ARHGAP10: variants seen among roughly 807,000 people sequenced by gnomAD.
The protein encoded by ARHGAP10 is rho GTPase-activating protein 10.
A neutral mutation model predicts 108.6 loss-of-function variants in ARHGAP10; 87 were observed. The ratio of observed to expected loss-of-function variants is 0.80; its 90% CI spans 0.67 to 0.96. The LOEUF (loss-of-function observed/expected upper bound fraction) is 0.96, where lower values mean the gene tolerates loss of function less well. Among genes scored for constraint, ARHGAP10 ranks in the 40% least tolerant of loss-of-function variants. The pLI, the probability that ARHGAP10 is intolerant of heterozygous loss-of-function variation, is 0.00. For synonymous variants in ARHGAP10, 347 were observed against 341.1 expected, an observed-to-expected ratio of 1.02 and a Z score of -0.19; for missense variants, 939 against 954.5, an observed-to-expected ratio of 0.98 and a Z score of 0.21.
At position 147,822,972 on chromosome 4, in the gene ARHGAP10, G is replaced by T. The variant is rs761372957; in HGVS notation, c.312+15G>T. On this transcript the variant is annotated intron_variant, in intron 3 of 22. Transcript: ENST00000336498. The stretch of plus-strand genomic sequence containing the variant: ...GAGAAATTATGGTGAGTTGAGAGGG[G>T]TGTAAATTAATAAGTCAGCTTTCAA... 2 of 1,606,788 alleles carry T rather than the reference G, an allele frequency of 1.2e-6. No individual in the cohort carries two copies. Among genetic ancestry groups the T allele is most frequent in the Non-Finnish European group, 8.5e-7 (1 of 1,174,594 alleles).
At chr4:147,935,976 G>A (rs948265916) in intron 13 of ARHGAP10, among the ~76,000 whole-genome samples, 1 of 152,192 alleles carries the variant, frequency 6.6e-6, no homozygotes, top group Non-Finnish European at 1.5e-5. Context: ...CTGGCACAGA[G>A]TGATTATTAT....
At position 147,849,380 on chromosome 4, in the gene ARHGAP10, G is replaced by A. The variant is rs113890188; in HGVS notation, c.384+2158G>A. ...GGTATTTGAATTACTTTCCACATCT[G>A]TGCTGCCTAAACATTCAGTCATATT... On this transcript the variant is annotated intron_variant, in intron 4 of 22. Transcript: ENST00000336498. 9.9e-3 allele frequency among the ~76,000 whole-genome samples: 1,500 copies of A among 152,082 alleles called. 23 individuals carry two copies. The highest frequency in any genetic ancestry group is 0.033 in the African/African-American group (1,370 of 41,468).
At chr4:147,782,850 T>C (rs1039190226) in intron 1 of ARHGAP10, among the ~76,000 whole-genome samples, 4 of 145,416 alleles carry the variant, frequency 2.8e-5, no homozygotes, top group African/African-American at 1.0e-4. Context: ...CCAGGAAAAA[T>C]TTTCATATAT....
At chr4:147,814,468 C>T (rs1022867920) in intron 1 of ARHGAP10, among the ~76,000 whole-genome samples, 7 of 152,018 alleles carry the variant, frequency 4.6e-5, no homozygotes, top group East Asian at 3.9e-4. Flanking sequence ...ATTTGTTAAG[C>T]GAGATGAACA....
chr4:148,014,282 C>G, intron 18 of ARHGAP10, among the ~76,000 whole-genome samples: 1 of 152,164 alleles, frequency 6.6e-6, no homozygotes, highest in South Asian at 2.1e-4. Flanking sequence ...TTATGAAAGT[C>G]AACATTACAG....
At chr4:147,834,543 C>G (rs551072658) in intron 3 of ARHGAP10, among the ~76,000 whole-genome samples, 2 of 152,212 alleles carry the variant, frequency 1.3e-5, no homozygotes, top group South Asian at 4.2e-4. Flanking sequence ...AAGGCCCCAC[C>G]TCTCAATAAT....
Position 147,906,654 on chromosome 4 carries a change from A to T in ARHGAP10, c.1051A>T (p.Thr351Ser). The T allele has an allele frequency of 6.2e-7, 1 of 1,614,098 alleles. No individual in the cohort carries two copies. Residue 351 changes from threonine to serine, a missense_variant, in exon 11 of 23, where the codon ACC becomes TCC. Transcript: ENST00000336498. ...EAADRPGVSL[T>S]MQAFSEEERK... ...GTCTTTCAGGCCTGGCGTTTCCTTG[A>T]CCATGCAGGCATTTTCCGAAGAGGA...
chr4:148,011,883 A>G (rs1312800679), intron 18 of ARHGAP10, among the ~76,000 whole-genome samples: 2 of 152,184 alleles, frequency 1.3e-5, no homozygotes, highest in African/African-American at 4.8e-5. Context: ...CTTTATGTTT[A>G]TTAGTTGGGA....
intron 20 of ARHGAP10, among the ~76,000 whole-genome samples, chr4:148,055,182 TTTGCTCTAAGAGAG>T (rs1729309208): frequency 6.6e-6 from 1 of 152,142 alleles, no homozygotes; most frequent in Admixed American, 6.5e-5. Flanking sequence ...ACCAAGAACT[TTTGCTCTAAGAGAG>T]TGGACTTTGG....
intron 1 of ARHGAP10, among the ~76,000 whole-genome samples, chr4:147,764,000 C>T: frequency 6.6e-6 from 1 of 152,124 alleles, no homozygotes; most frequent in East Asian, 1.9e-4. Flanking sequence ...GGTGATCTGC[C>T]TGCCTCGGCC....
In ARHGAP10 at chr4:147,939,877, G is replaced by A; in HGVS notation, c.1281G>A (p.Gln427=). 6.2e-7 allele frequency: 1 copy of A among 1,613,986 alleles called. No homozygotes were observed. Among genetic ancestry groups the A allele is most frequent in the Non-Finnish European group, 8.5e-7 (1 of 1,179,910 alleles). Residue 427 remains glutamine (Q), a synonymous_variant, in exon 14 of 23, where the codon CAG becomes CAA. Coordinates refer to ENST00000336498, the MANE Select transcript of ARHGAP10 (RefSeq NM_024605.4). ...TTGTGGGGGTGAGTTCAAAGGTCCAGAGACTTCTGAGTATGTTGATGGGTA... is the reference window on the plus strand; with the variant it reads ...TTGTGGGGGTGAGTTCAAAGGTCCAAAGACTTCTGAGTATGTTGATGGGTA... ...YRVVGVSSKV[Q]RLLSMLMDVK...
chr4:147,920,124 C>T lies in ARHGAP10; in HGVS notation c.1228+6985C>T, dbSNP rs11945312. On this transcript the variant is annotated intron_variant, in intron 13 of 22. Coordinates refer to ENST00000336498, the MANE Select transcript of ARHGAP10 (RefSeq NM_024605.4). Reference sequence around the variant, plus strand: ...TTTTCTCTGAACGTCTTTTAAAAAACAACATAACCTCGCTGGGCACAGTGG... The same window carrying T: ...TTTTCTCTGAACGTCTTTTAAAAAATAACATAACCTCGCTGGGCACAGTGG... Among the ~76,000 whole-genome samples the T allele has an allele frequency of 7.4e-3, 876 of 117,836 alleles. 10 individuals are homozygous for T. Among genetic ancestry groups the T allele is most frequent in the South Asian group, 0.021 (85 of 4,044 alleles). The allele number at this position is 117,836 out of a possible 152,430, so 77.3% of individuals were successfully genotyped here.
chr4:147,755,480 G>T (rs998344508), intron 1 of ARHGAP10, among the ~76,000 whole-genome samples: 1 of 151,950 alleles, frequency 6.6e-6, no homozygotes, highest in African/African-American at 2.4e-5. Flanking sequence ...CCGAGATCAC[G>T]CCATTGCACT....
intron 4 of ARHGAP10, chr4:147,854,931 A>G: frequency 2.1e-6 from 2 of 942,256 alleles, no homozygotes; most frequent in Non-Finnish European, 2.5e-6. Context: ...TCCCAACTTT[A>G]CCCACATGTT....
chr4:147,758,585 A>C (rs1345827886), intron 1 of ARHGAP10, among the ~76,000 whole-genome samples: 2 of 152,052 alleles, frequency 1.3e-5, no homozygotes, highest in Non-Finnish European at 2.9e-5. Context: ...GTGCTGTTTA[A>C]ATGTGCATTC....
chr4:147,743,075 C>T (rs1472701953), intron 1 of ARHGAP10, among the ~76,000 whole-genome samples: 1 of 150,216 alleles, frequency 6.7e-6, no homozygotes, highest in African/African-American at 2.5e-5. Flanking sequence ...ACTCTGTCAC[C>T]CAGGCTGCAG....
intron 1 of ARHGAP10, among the ~76,000 whole-genome samples, chr4:147,733,704 A>T (rs1453857667): frequency 1.3e-5 from 2 of 152,186 alleles, no homozygotes. Context: ...TGGTACAGTA[A>T]ATATGCATTT....
At chr4:147,894,039 A>G (rs1242212538) in intron 10 of ARHGAP10, among the ~76,000 whole-genome samples, 1 of 152,228 alleles carries the variant, frequency 6.6e-6, no homozygotes, top group East Asian at 1.9e-4. Flanking sequence ...AGCATGGGCC[A>G]TAGAAAAATT....
intron 7 of ARHGAP10, among the ~76,000 whole-genome samples, chr4:147,871,045 C>T (rs931377323): frequency 5.3e-5 from 8 of 151,500 alleles, no homozygotes; most frequent in Admixed American, 2.6e-4. Flanking sequence ...CTGTAAGCTC[C>T]GCCTCCTGGG....
Sources: allele counts gnomAD v4.1 joint callset (sites outside exome capture counted in the v4.1 genomes callset), GRCh38; gene constraint gnomAD v4.1.1; transcripts MANE v1.5; gene names NCBI Gene and HGNC (gene_info 2026-07-23, HGNC 2026-07-21).